CNGB3: variants seen among roughly 807,000 people sequenced by gnomAD.
The protein encoded by CNGB3 is cyclic nucleotide-gated channel beta-3.
In CNGB3, 86 loss-of-function variants were observed where a neutral mutation model predicts 92.8. The ratio of observed to expected loss-of-function variants is 0.93; its 90% CI spans 0.78 to 1.11. The LOEUF (loss-of-function observed/expected upper bound fraction) is 1.11, where lower values mean the gene tolerates loss of function less well. Ranked by LOEUF, CNGB3 falls within the 50% of genes least tolerant of loss-of-function variation. The probability of loss-of-function intolerance (pLI) is 0.00; values close to 1 mark genes in which losing one functional copy is unlikely to be tolerated. For synonymous variants in CNGB3, 333 were observed against 332.7 expected (o/e 1.00, Z -0.01); for missense variants, 1,026 against 956.8 (o/e 1.07, Z -0.95).
At chr8:86,605,659 G>A (rs1176411623) in intron 14 of CNGB3, among the ~76,000 whole-genome samples, 3 of 151,908 alleles carry the variant, frequency 2.0e-5, no homozygotes, top group Non-Finnish European at 4.4e-5. Context: ...AATATTGATT[G>A]TAGTTTACTC....
intron 3 of CNGB3, among the ~76,000 whole-genome samples, chr8:86,703,034 T>C (rs1824583024): frequency 1.3e-5 from 2 of 152,116 alleles, no homozygotes; most frequent in Non-Finnish European, 2.9e-5. Flanking sequence ...GTTTTTGGCA[T>C]GCCATAAGGA....
At chr8:86,613,533 G>C (rs1215628513) in intron 13 of CNGB3, among the ~76,000 whole-genome samples, 1 of 152,104 alleles carries the variant, frequency 6.6e-6, no homozygotes, top group African/African-American at 2.4e-5. Flanking sequence ...AAATATGCTT[G>C]GAAGTTCTTG....
In CNGB3 at chr8:86,675,846, T is replaced by C. The variant is rs78524434; in HGVS notation, c.339-4748A>G. 5.8e-3 allele frequency among the ~76,000 whole-genome samples: 885 copies of C among 152,364 alleles called. 5 individuals carry two copies. The highest frequency in any genetic ancestry group is 0.019 in the African/African-American group (777 of 41,576). ...AAGAAAAGAACTATAGTAGTTTCCT[T>C]ATTTCTTTAAATTCAGTCAGAGGCA... On this transcript the variant is annotated intron_variant, in intron 3 of 17. Transcript: ENST00000320005.
intron 15 of CNGB3, among the ~76,000 whole-genome samples, chr8:86,597,238 C>T (rs1822191676): frequency 6.6e-6 from 1 of 152,142 alleles, no homozygotes; most frequent in South Asian, 2.1e-4. Flanking sequence ...CCTCCTTTCA[C>T]AGAGTGAAAG....
chr8:86,617,152 A>G (rs1379002611), intron 13 of CNGB3, among the ~76,000 whole-genome samples: 7 of 152,212 alleles, frequency 4.6e-5, no homozygotes, highest in Non-Finnish European at 8.8e-5. Context: ...CATAGGTTAG[A>G]TGGTGGTTCT....
At chr8:86,636,958 C>G (rs1294191132) in intron 10 of CNGB3, among the ~76,000 whole-genome samples, 1 of 152,116 alleles carries the variant, frequency 6.6e-6, no homozygotes, top group East Asian at 1.9e-4. Flanking sequence ...GAATGATATT[C>G]TATTATATAT....
chr8:86,671,179 C>T (rs1823855393), intron 3 of CNGB3, 81 bp from the exon 4 acceptor site: 3 of 1,482,694 alleles, frequency 2.0e-6, no homozygotes, highest in Non-Finnish European at 1.9e-6. Flanking sequence ...TTTCACCTTC[C>T]TTATATATTC....
chr8:86,633,341 A>G (rs2131585960), intron 10 of CNGB3, among the ~76,000 whole-genome samples: 1 of 152,238 alleles, frequency 6.6e-6, no homozygotes, highest in East Asian at 1.9e-4. Context: ...TCCTTTCCAC[A>G]TTATGTCCTT....
intron 6 of CNGB3, chr8:86,658,780 T>C: frequency 1.9e-6 from 1 of 522,732 alleles, no homozygotes. Context: ...GTCTGCAACT[T>C]GGCCAGCTGC....
At chr8:86,635,513 A>AT (rs1023852031) in intron 10 of CNGB3, among the ~76,000 whole-genome samples, 4 of 149,450 alleles carry the variant, frequency 2.7e-5, no homozygotes, top group African/African-American at 5.0e-5. Context: ...GGCTTGAACA[A>AT]TTTTTTTTAT....
At chr8:86,673,231 C>A (rs568926322) in intron 3 of CNGB3, among the ~76,000 whole-genome samples, 3 of 152,298 alleles carry the variant, frequency 2.0e-5, no homozygotes, top group South Asian at 4.1e-4. Context: ...CTTTGCTCCA[C>A]ACTGAATTTA....
chr8:86,685,925 AATTTTTTAAT>A (rs1341102307), intron 3 of CNGB3, among the ~76,000 whole-genome samples: 1 of 151,822 alleles, frequency 6.6e-6, no homozygotes, highest in Non-Finnish European at 1.5e-5. Context: ...CCAGAAGGTG[AATTTTTTAAT>A]ATTTAAACTG....
At chr8:86,659,678 C>A (rs1823593656) in intron 6 of CNGB3, 2 of 436,310 alleles carry the variant, frequency 4.6e-6, no homozygotes, top group Admixed American at 5.9e-5. Flanking sequence ...AACTGCCTGG[C>A]AGCATGCTGA....
At chr8:86,684,656 C>CAA (rs34942527) in intron 3 of CNGB3, among the ~76,000 whole-genome samples, 53,787 of 122,072 alleles carry the variant, frequency 0.44, 10,369 homozygotes, top group African/African-American at 0.49. Flanking sequence ...ATACTTAAGC[C>CAA]AAAAAAAAAA....
intron 3 of CNGB3, among the ~76,000 whole-genome samples, chr8:86,724,258 A>G (rs1825020109): frequency 6.6e-6 from 1 of 152,136 alleles, no homozygotes; most frequent in South Asian, 2.1e-4. Flanking sequence ...GCCATGTTAG[A>G]AGAGAAGTAA....
chr8:86,640,021 T>G (rs1173601491), intron 10 of CNGB3, among the ~76,000 whole-genome samples: 1 of 152,038 alleles, frequency 6.6e-6, no homozygotes, highest in Non-Finnish European at 1.5e-5. Context: ...GAAAAATGGG[T>G]AGTTTCTAAT....
Position 86,578,750 on chromosome 8 carries a change from C to T in CNGB3, c.2042G>A (p.Gly681Glu), listed in dbSNP as rs1372369608. 2 of 1,613,906 alleles carry T rather than the reference C, an allele frequency of 1.2e-6. No homozygotes were observed. The highest frequency in any genetic ancestry group is 1.7e-6 in the Non-Finnish European group (2 of 1,180,004). The change falls in exon 17 of 18, where the codon GGA becomes GAA. Residue 681 changes from glycine (G) to glutamate (E), a missense_variant. By Grantham distance (98) the Gly-to-Glu change is moderately conservative (BLOSUM62 -2). Coordinates refer to ENST00000320005, the MANE Select transcript of CNGB3 (RefSeq NM_019098.5). ...TGCAAGACTTGCTTTTCCTGTGCCT[C>T]CTAGGAGAGTTTTAAACAGTTTGGG... Reference protein sequence around the residue: ...ETPKLFKTLLGGTGKASLARL... With the variant: ...ETPKLFKTLLEGTGKASLARL...
rs1026827637 is a variant in CNGB3 at position 86,593,907 on chromosome 8, C to A, written c.1781+10186G>T. The stretch of plus-strand genomic sequence containing the variant: ...TTGCTGCACCACTGCTGGTAGTCAC[C>A]GCCTGTGTGCCAGGGGCAGAAGGAG... On this transcript the variant is annotated intron_variant, in intron 15 of 17. Coordinates refer to ENST00000320005, the MANE Select transcript of CNGB3 (RefSeq NM_019098.5). 8.4e-6 allele frequency: 5 copies of A among 593,672 alleles called. No individual in the cohort carries two copies. In the Admixed American group the frequency reaches 1.1e-4, roughly 13 times the overall value. 36.8% of individuals were successfully genotyped at this position (593,672 alleles called of 1,614,324 possible).
chr8:86,620,400 T>C (rs939930406), intron 13 of CNGB3, among the ~76,000 whole-genome samples: 11 of 152,130 alleles, frequency 7.2e-5, no homozygotes, highest in Non-Finnish European at 1.3e-4. Context: ...ATGGCTACCT[T>C]CTCACTGTGT....
Sources: allele counts gnomAD v4.1 joint callset (sites outside exome capture counted in the v4.1 genomes callset), GRCh38; gene constraint gnomAD v4.1.1; transcripts MANE v1.5; gene names NCBI Gene and HGNC (gene_info 2026-07-23, HGNC 2026-07-21).